ADD1: variants seen among roughly 807,000 people sequenced by gnomAD.
The protein encoded by ADD1 is adducin 1, also known as alpha-adducin.
A neutral mutation model predicts 80.5 loss-of-function variants in ADD1; 24 were observed. The observed-to-expected ratio is 0.30, with a 90% CI of 0.22 to 0.42. The LOEUF (loss-of-function observed/expected upper bound fraction) is 0.42, where lower values mean the gene tolerates loss of function less well. Among genes scored for constraint, ADD1 ranks in the 10% least tolerant of loss-of-function variants. The pLI is 1.00. For missense variants in ADD1, 948 were observed against 1,019.0 expected, an observed-to-expected ratio of 0.93 and a Z score of 0.95; for synonymous variants, 373 against 393.8, an observed-to-expected ratio of 0.95 and a Z score of 0.63.
At chr4:2,867,276 G>A (rs1419327880) in intron 1 of ADD1, among the ~76,000 whole-genome samples, 1 of 152,146 alleles carries the variant, frequency 6.6e-6, no homozygotes, top group Non-Finnish European at 1.5e-5. Context: ...ACTGGGTTTG[G>A]GAAAAATTAG....
chr4:2,853,064 T>A, intron 1 of ADD1: 1 of 152,164 alleles, frequency 6.6e-6, no homozygotes. Context: ...TAGATTGGGT[T>A]TTACTCTGTT....
At chr4:2,888,489 T>C (rs1733766586) in intron 4 of ADD1, among the ~76,000 whole-genome samples, 1 of 151,388 alleles carries the variant, frequency 6.6e-6, no homozygotes, top group African/African-American at 2.4e-5. Context: ...TGATCTCGGC[T>C]CACTCAACCT....
intron 4 of ADD1, among the ~76,000 whole-genome samples, chr4:2,889,508 G>A (rs2108979013): frequency 6.6e-6 from 1 of 152,188 alleles, no homozygotes; most frequent in African/African-American, 2.4e-5. Flanking sequence ...ATTTAAAGTA[G>A]ACAAACTTTT....
chr4:2,883,788 C>T (rs1262665320), intron 3 of ADD1, among the ~76,000 whole-genome samples: 1 of 152,128 alleles, frequency 6.6e-6, no homozygotes, highest in Non-Finnish European at 1.5e-5. Context: ...TCTCCTGCCT[C>T]AGCCTCCCAA....
chr4:2,907,964 T>G lies in ADD1; in HGVS notation c.1608+120T>G. The G allele has an allele frequency of 7.8e-6, 6 of 764,606 alleles. No homozygotes were observed. The South Asian group carries it at 9.0e-5, about 11-fold the overall frequency. 47.4% of individuals were successfully genotyped at this position (764,606 alleles called of 1,614,324 possible). ...GGGCATCTGCTGTTGTTGCCACTGT[T>G]GCAGTGAAGCCATCTCTTCACACCG... is the stretch of plus-strand genomic sequence containing the variant. On this transcript the variant is annotated intron_variant, in intron 11 of 15. Transcript: ENST00000683351.
chr4:2,851,167 G>A (rs1727019107), intron 1 of ADD1, among the ~76,000 whole-genome samples: 1 of 152,104 alleles, frequency 6.6e-6, no homozygotes, highest in Non-Finnish European at 1.5e-5. Flanking sequence ...CCCCACCTCA[G>A]CCTCCGGAAT....
chr4:2,854,327 AAAGC>A (rs934149972), intron 1 of ADD1, among the ~76,000 whole-genome samples: 7 of 152,288 alleles, frequency 4.6e-5, no homozygotes, highest in South Asian at 4.1e-4. Flanking sequence ...CCATCTTAAG[AAAGC>A]AAGCAAGCAA....
At chr4:2,872,377 TACTC>T (rs1024616780) in intron 1 of ADD1, among the ~76,000 whole-genome samples, 5 of 152,244 alleles carry the variant, frequency 3.3e-5, no homozygotes, top group African/African-American at 1.2e-4. Flanking sequence ...TTAATCAACT[TACTC>T]AAATTTATTC....
At chr4:2,903,423 A>C (rs1736522734) in intron 9 of ADD1, among the ~76,000 whole-genome samples, 1 of 152,218 alleles carries the variant, frequency 6.6e-6, no homozygotes, top group Non-Finnish European at 1.5e-5. Context: ...GTCCAGGCAC[A>C]GCGAACTCAA....
At chr4:2,856,411 T>G (rs1455396139) in intron 1 of ADD1, among the ~76,000 whole-genome samples, 1 of 152,180 alleles carries the variant, frequency 6.6e-6, no homozygotes, top group Non-Finnish European at 1.5e-5. Flanking sequence ...CCTTGGCTAT[T>G]CTGCATATTC....
intron 1 of ADD1, among the ~76,000 whole-genome samples, chr4:2,850,735 A>G (rs73189448): frequency 0.14 from 21,247 of 151,572 alleles, 1,928 homozygotes; most frequent in East Asian, 0.3. Context: ...ACGCCCGGCT[A>G]ATTTTTATAT....
chr4:2,895,889 A>ATTT (rs1434204816), intron 6 of ADD1, among the ~76,000 whole-genome samples: 2 of 142,468 alleles, frequency 1.4e-5, no homozygotes, highest in Non-Finnish European at 3.1e-5. Context: ...GTAATGCTGT[A>ATTT]TTTTTTTTTT....
chr4:2,923,381 G>C (rs57557041), intron 14 of ADD1, among the ~76,000 whole-genome samples: 2,931 of 152,286 alleles, frequency 0.019, 62 homozygotes, highest in African/African-American at 0.047. Context: ...GCTTCCCTTG[G>C]CTAGATGAGG....
chr4:2,882,274 G>A (rs1407339053), intron 3 of ADD1, among the ~76,000 whole-genome samples: 1 of 152,200 alleles, frequency 6.6e-6, no homozygotes, highest in Non-Finnish European at 1.5e-5. Context: ...TAGCCAGTGA[G>A]ACTTTATTTC....
intron 1 of ADD1, among the ~76,000 whole-genome samples, chr4:2,855,863 C>G (rs1409501022): frequency 6.6e-6 from 1 of 151,786 alleles, no homozygotes; most frequent in Non-Finnish European, 1.5e-5. Context: ...CCATGACCAG[C>G]TATTTTTTGT....
chr4:2,846,978 G>A (rs547284903), intron 1 of ADD1, among the ~76,000 whole-genome samples: 7 of 152,100 alleles, frequency 4.6e-5, no homozygotes, highest in Non-Finnish European at 8.8e-5. Context: ...TTAGCTGGGC[G>A]TGGTGGCGGA....
chr4:2,916,317 TC>T (rs1327153640), intron 14 of ADD1, among the ~76,000 whole-genome samples: 2 of 151,804 alleles, frequency 1.3e-5, no homozygotes, highest in Admixed American at 1.3e-4. Context: ...TGCCTCAGCC[TC>T]CCGAGTAGCT....
At chr4:2,865,151 A>G (rs1466618334) in intron 1 of ADD1, among the ~76,000 whole-genome samples, 2 of 151,826 alleles carry the variant, frequency 1.3e-5, no homozygotes, top group Non-Finnish European at 2.9e-5. Context: ...AAAAGATGCC[A>G]TACATACACT....
intron 4 of ADD1, 141 bp from the exon 5 acceptor site, chr4:2,893,872 G>A (rs1419461281): frequency 1.5e-6 from 1 of 682,152 alleles, no homozygotes; most frequent in East Asian, 2.5e-5. Context: ...GTACCCCTTG[G>A]CTTCGTGACA....
Sources: allele counts gnomAD v4.1 joint callset (sites outside exome capture counted in the v4.1 genomes callset), GRCh38; gene constraint gnomAD v4.1.1; transcripts MANE v1.5; gene names NCBI Gene and HGNC (gene_info 2026-07-23, HGNC 2026-07-21).